Variants in RIMS2 observed in about 807,000 individuals in gnomAD.
The protein encoded by RIMS2 is regulating synaptic membrane exocytosis 2, also known as regulating synaptic membrane exocytosis protein 2.
In RIMS2, 59 loss-of-function variants were observed where a neutral mutation model predicts 174.4. That is an observed-to-expected ratio of 0.34 (90% CI 0.27 to 0.42). The LOEUF (loss-of-function observed/expected upper bound fraction) is 0.42. RIMS2 is among the 10% of genes least tolerant of loss of function. RIMS2 has a pLI of 1.00. For missense variants in RIMS2, 1,620 were observed against 1,666.3 expected (o/e 0.97, Z 0.48); for synonymous variants, 606 against 572.5 (o/e 1.06, Z -0.84).
chr8:104,240,152 G>A (rs866804150), intron 19 of RIMS2, among the ~76,000 whole-genome samples: 4 of 152,282 alleles, frequency 2.6e-5, no homozygotes, highest in Middle Eastern at 3.4e-3. Flanking sequence ...CTTTGAAAGG[G>A]CTGGTGTGGT....
chr8:104,206,700 G>T (rs1440139038), intron 19 of RIMS2, among the ~76,000 whole-genome samples: 1 of 152,092 alleles, frequency 6.6e-6, no homozygotes, highest in African/African-American at 2.4e-5. Flanking sequence ...GTGAAGGCTG[G>T]GACATATACC....
chr8:104,049,160 C>T (rs2096742954), intron 19 of RIMS2, among the ~76,000 whole-genome samples: 1 of 150,296 alleles, frequency 6.7e-6, no homozygotes, highest in Non-Finnish European at 1.5e-5. Flanking sequence ...CGGTGGCTCA[C>T]GCCTGTATTC....
intron 4 of RIMS2, among the ~76,000 whole-genome samples, chr8:103,905,917 A>C (rs1367915217): frequency 6.6e-6 from 1 of 151,182 alleles, no homozygotes; most frequent in African/African-American, 2.4e-5. Flanking sequence ...TTTGTATTTC[A>C]GTAATTTTTT....
At chr8:104,141,956 A>G (rs1430310272) in intron 19 of RIMS2, among the ~76,000 whole-genome samples, 1 of 152,130 alleles carries the variant, frequency 6.6e-6, no homozygotes, top group African/African-American at 2.4e-5. Flanking sequence ...AATTATTTAT[A>G]TGTTTACTGT....
intron 3 of RIMS2, among the ~76,000 whole-genome samples, chr8:103,858,603 C>CTG (rs767920252): frequency 2.0e-5 from 3 of 149,098 alleles, no homozygotes; most frequent in East Asian, 2.0e-4. Context: ...GTGTGTGTGT[C>CTG]TGTGTGTGTG....
chr8:103,730,398 T>G (rs1274453187), intron 2 of RIMS2, among the ~76,000 whole-genome samples: 3 of 152,212 alleles, frequency 2.0e-5, no homozygotes, highest in African/African-American at 7.2e-5. Context: ...CCTTTATCAT[T>G]ATATAATTAC....
intron 1 of RIMS2, among the ~76,000 whole-genome samples, chr8:103,584,453 C>T (rs1337225012): frequency 6.6e-6 from 1 of 151,692 alleles, no homozygotes; most frequent in African/African-American, 2.4e-5. Context: ...TTTTTTAACA[C>T]TATAACTGTG....
intron 1 of RIMS2, among the ~76,000 whole-genome samples, chr8:103,646,475 C>G (rs1004315995): frequency 6.6e-6 from 1 of 152,008 alleles, no homozygotes; most frequent in African/African-American, 2.4e-5. Context: ...TTGCTGCACA[C>G]ATCATCCCAC....
intron 1 of RIMS2, among the ~76,000 whole-genome samples, chr8:103,589,469 C>G (rs2094141176): frequency 6.6e-6 from 1 of 151,606 alleles, no homozygotes; most frequent in Non-Finnish European, 1.5e-5. Flanking sequence ...AACCCTTGTA[C>G]ACTGTTGGTG....
chr8:103,922,332 G>A (rs2077838823), intron 10 of RIMS2, among the ~76,000 whole-genome samples: 1 of 151,754 alleles, frequency 6.6e-6, no homozygotes, highest in South Asian at 2.1e-4. Context: ...AGATAACTTT[G>A]CACATTAAGT....
chr8:103,554,426 A>G (rs1404629741), intron 1 of RIMS2, among the ~76,000 whole-genome samples: 1 of 152,190 alleles, frequency 6.6e-6, no homozygotes, highest in Non-Finnish European at 1.5e-5. Flanking sequence ...CGCGGCCAAC[A>G]AGCATATGAA....
At chr8:103,863,401 C>T (rs757851114) in intron 3 of RIMS2, among the ~76,000 whole-genome samples, 5 of 151,868 alleles carry the variant, frequency 3.3e-5, no homozygotes, top group Non-Finnish European at 7.4e-5. Context: ...GAATATTGGC[C>T]CGAAGTTTTC....
intron 4 of RIMS2, among the ~76,000 whole-genome samples, chr8:103,890,201 T>C (rs1373199765): frequency 6.6e-6 from 1 of 151,986 alleles, no homozygotes; most frequent in African/African-American, 2.4e-5. Flanking sequence ...GATGTGGTCA[T>C]TTGTGTTGGT....
intron 19 of RIMS2, among the ~76,000 whole-genome samples, chr8:104,053,438 A>G (rs2096821596): frequency 6.6e-6 from 1 of 152,194 alleles, no homozygotes; most frequent in Admixed American, 6.5e-5. Context: ...TCCACATATT[A>G]TATCTTCTCT....
chr8:103,820,493 G>A (rs980929046), intron 3 of RIMS2, among the ~76,000 whole-genome samples: 9 of 151,864 alleles, frequency 5.9e-5, no homozygotes, highest in Non-Finnish European at 1.0e-4. Flanking sequence ...AAAATATTGA[G>A]TGGTTTTACT....
chr8:103,617,762 A>G (rs899392787), intron 1 of RIMS2, among the ~76,000 whole-genome samples: 2 of 152,176 alleles, frequency 1.3e-5, no homozygotes, highest in Non-Finnish European at 2.9e-5. Context: ...AAAATTCAGT[A>G]TTAGTGATCA....
chr8:104,154,361 T>C (rs1181075468), intron 19 of RIMS2, among the ~76,000 whole-genome samples: 2 of 152,220 alleles, frequency 1.3e-5, no homozygotes, highest in Admixed American at 1.3e-4. Flanking sequence ...CCCTGTCCTG[T>C]ACAATATGGT....
intron 1 of RIMS2, among the ~76,000 whole-genome samples, chr8:103,688,338 T>C (rs2096967743): frequency 6.6e-6 from 1 of 152,114 alleles, no homozygotes; most frequent in Non-Finnish European, 1.5e-5. Context: ...TTTTTCTGCA[T>C]CTATTAAAAT....
intron 1 of RIMS2, among the ~76,000 whole-genome samples, chr8:103,562,563 G>A (rs985019370): frequency 8.5e-5 from 13 of 152,154 alleles, no homozygotes; most frequent in African/African-American, 3.1e-4. Flanking sequence ...CCTCCCTCCC[G>A]CTGCCTTCAT....
Sources: allele counts gnomAD v4.1 joint callset (sites outside exome capture counted in the v4.1 genomes callset), GRCh38; gene constraint gnomAD v4.1.1; transcripts MANE v1.5; gene names NCBI Gene and HGNC (gene_info 2026-07-23, HGNC 2026-07-21).